The following FGD4 variants were observed in gnomAD, a reference collection of about 807,000 sequenced individuals.
FGD4 encodes the protein FYVE, RhoGEF and PH domain-containing protein 4.
A neutral mutation model predicts 102.0 loss-of-function variants in FGD4; 42 were observed. That is an observed-to-expected ratio of 0.41 (90% confidence interval 0.32 to 0.53). The LOEUF is 0.53. Among genes scored for constraint, FGD4 ranks in the 20% least tolerant of loss-of-function variants. The pLI is 0.21. For synonymous variants in FGD4, 380 were observed against 375.7 expected (o/e 1.01, Z -0.13); for missense variants, 902 against 1,078.2 (o/e 0.84, Z 2.29).
At chr12:32,469,808 C>T (rs576318356) in intron 1 of FGD4, among the ~76,000 whole-genome samples, 34 of 151,856 alleles carry the variant, frequency 2.2e-4, no homozygotes, top group African/African-American at 8.0e-4. Context: ...TACAGGCATG[C>T]GGCACCATGC....
chr12:32,581,926 T>C (rs765362593), intron 3 of FGD4, 34 bp from the exon 4 acceptor site: 6 of 1,611,918 alleles, frequency 3.7e-6, no homozygotes, highest in South Asian at 3.3e-5. Flanking sequence ...TCCATACCAA[T>C]GTTTTCATGC....
At chr12:32,485,226 T>G (rs1035300427) in intron 1 of FGD4, among the ~76,000 whole-genome samples, 2 of 152,164 alleles carry the variant, frequency 1.3e-5, no homozygotes, top group African/African-American at 4.8e-5. Context: ...AGTGCCTTCC[T>G]CTTTTAAAAA....
At chr12:32,586,332 C>T (rs1398923308) in intron 4 of FGD4, among the ~76,000 whole-genome samples, 5 of 152,112 alleles carry the variant, frequency 3.3e-5, no homozygotes, top group African/African-American at 1.2e-4. Context: ...AGAAAATACA[C>T]ACAAAAACCA....
chr12:32,587,010 G>A (rs2136477031), intron 4 of FGD4, among the ~76,000 whole-genome samples: 1 of 152,030 alleles, frequency 6.6e-6, no homozygotes, highest in Middle Eastern at 3.4e-3. Context: ...GGCCAGTATG[G>A]TGAAACCCCA....
At chr12:32,401,789 C>T (rs1940674957) in intron 1 of FGD4, among the ~76,000 whole-genome samples, 2 of 141,004 alleles carry the variant, frequency 1.4e-5, no homozygotes, top group South Asian at 4.4e-4. Context: ...AGTGCAGTGG[C>T]GCAATCTCGG....
intron 1 of FGD4, among the ~76,000 whole-genome samples, 165 bp downstream of exon 1, chr12:32,400,124 A>G (rs950139058): frequency 2.6e-5 from 4 of 152,202 alleles, no homozygotes; most frequent in Non-Finnish European, 5.9e-5. Flanking sequence ...TCCCTTAGCT[A>G]TGCTGTCCCT....
intron 1 of FGD4, among the ~76,000 whole-genome samples, chr12:32,437,231 T>G (rs565448484): frequency 6.6e-6 from 1 of 152,074 alleles, no homozygotes; most frequent in Non-Finnish European, 1.5e-5. Context: ...GACGGCTGAT[T>G]ACAAAACATA....
intron 12 of FGD4, 175 bp downstream of exon 12, chr12:32,624,627 T>A (rs1950039539): frequency 1.4e-6 from 1 of 695,532 alleles, no homozygotes; most frequent in African/African-American, 1.8e-5. Context: ...TGCACCACCA[T>A]GTCTGGTTAA....
intron 1 of FGD4, among the ~76,000 whole-genome samples, chr12:32,512,227 A>G (rs377722605): frequency 2.0e-5 from 3 of 152,048 alleles, no homozygotes; most frequent in South Asian, 4.1e-4. Flanking sequence ...CTGGCGGATC[A>G]TCTGAGGTTA....
chr12:32,632,217 A>G (rs1950534172), intron 14 of FGD4, among the ~76,000 whole-genome samples: 1 of 152,266 alleles, frequency 6.6e-6, no homozygotes, highest in Non-Finnish European at 1.5e-5. Context: ...ATAATAGAGA[A>G]AAGTTATCAC....
intron 1 of FGD4, among the ~76,000 whole-genome samples, chr12:32,464,203 T>C (rs538274161): frequency 6.6e-6 from 1 of 152,166 alleles, no homozygotes; most frequent in African/African-American, 2.4e-5. Flanking sequence ...CCAAGGCTAG[T>C]GTGCACTGGT....
At chr12:32,504,297 C>T (rs1465061241) in intron 1 of FGD4, among the ~76,000 whole-genome samples, 1 of 152,088 alleles carries the variant, frequency 6.6e-6, no homozygotes, top group African/African-American at 2.4e-5. Context: ...CAGGGACAGT[C>T]CCTGGAGCAT....
chr12:32,473,806 G>A (rs1335616559), intron 1 of FGD4, among the ~76,000 whole-genome samples: 1 of 152,178 alleles, frequency 6.6e-6, no homozygotes, highest in East Asian at 1.9e-4. Context: ...AGGAGCTGTG[G>A]ACCGGGCGCG....
chr12:32,564,149 G>T lies in FGD4; in HGVS notation c.179G>T (p.Cys60Phe). ...TGAACTCTTGCAGGCAGCAGTACCTGTCCAAAGATCGCTTTAGTTCCACCT... is the reference window on the plus strand; with the variant it reads ...TGAACTCTTGCAGGCAGCAGTACCTTTCCAAAGATCGCTTTAGTTCCACCT... ...VPSGATGSST[C>F]PKIALVPPCS... Residue 60 changes from cysteine to phenylalanine, a missense_variant, in exon 2 of 17, where the codon TGT becomes TTT. By Grantham distance (205) the Cys-to-Phe change is radical. Transcript: ENST00000534526. The T allele has an allele frequency of 6.5e-7, 1 of 1,535,962 alleles. No individual in the cohort carries two copies. Among genetic ancestry groups the T allele is most frequent in the Non-Finnish European group, 8.7e-7 (1 of 1,146,812 alleles).
rs537695103 is a variant in FGD4, at chr12:32,455,757, G to T, written c.166+55798G>T. 9.2e-5 allele frequency among the ~76,000 whole-genome samples: 14 copies of T among 152,184 alleles called. No individual in the cohort carries two copies. The Middle Eastern group carries it at 0.01, about 111-fold the overall frequency. On this transcript the variant is annotated intron_variant, in intron 1 of 16. Transcript: ENST00000534526. ...CTAAGATTTCTGTATCCTGAATCAGGAAACTTAGTCCTCTGTCATTTTAAG... is the reference window on the plus strand; with the variant it reads ...CTAAGATTTCTGTATCCTGAATCAGTAAACTTAGTCCTCTGTCATTTTAAG...
intron 1 of FGD4, among the ~76,000 whole-genome samples, chr12:32,507,506 C>A (rs544015850): frequency 6.6e-6 from 1 of 152,132 alleles, no homozygotes; most frequent in Non-Finnish European, 1.5e-5. Flanking sequence ...GAAAGCCAAT[C>A]GTCAGTATCG....
intron 1 of FGD4, among the ~76,000 whole-genome samples, chr12:32,501,638 T>C (rs1459251279): frequency 6.6e-6 from 1 of 152,224 alleles, no homozygotes; most frequent in East Asian, 1.9e-4. Flanking sequence ...TATAACACAA[T>C]TGATTTTTGA....
At chr12:32,533,941 A>G (rs1290951573) in intron 1 of FGD4, among the ~76,000 whole-genome samples, 1 of 152,242 alleles carries the variant, frequency 6.6e-6, no homozygotes, top group African/African-American at 2.4e-5. Context: ...GAAAACATAA[A>G]TGGGATATTT....
chr12:32,470,198 TC>T (rs1388889427), intron 1 of FGD4, among the ~76,000 whole-genome samples: 1 of 152,112 alleles, frequency 6.6e-6, no homozygotes, highest in Non-Finnish European at 1.5e-5. Context: ...TTCCAGAGTT[TC>T]AGAAAGCCTC....
Sources: gnomAD v4.1 joint callset for allele counts (sites outside exome capture counted in the v4.1 genomes callset) on GRCh38, gnomAD v4.1.1 for gene constraint, MANE v1.5 for transcripts, NCBI Gene and HGNC (gene_info 2026-07-23, HGNC 2026-07-21) for gene names.